The following SYT1 variants were observed in gnomAD, a reference collection of about 807,000 sequenced individuals.
SYT1 encodes synaptotagmin-1.
In SYT1, 8 loss-of-function variants were observed where a neutral mutation model predicts 44.8. The ratio of observed to expected loss-of-function variants is 0.18; its 90% CI spans 0.10 to 0.32. SYT1 has a LOEUF of 0.32. Ranked by LOEUF, SYT1 falls within the 10% of genes least tolerant of loss-of-function variation. The probability of loss-of-function intolerance (pLI) is 1.00; values close to 1 mark genes in which losing one functional copy is unlikely to be tolerated. For synonymous variants in SYT1, 154 were observed against 188.8 expected, an observed-to-expected ratio of 0.82 and a Z score of 1.51; for missense variants, 286 against 509.3, an observed-to-expected ratio of 0.56 and a Z score of 4.22.
At chr12:79,310,887 G>A (rs1880748246) in intron 8 of SYT1, among the ~76,000 whole-genome samples, 1 of 152,198 alleles carries the variant, frequency 6.6e-6, no homozygotes, top group Middle Eastern at 3.2e-3. Context: ...CTTTGCTGAA[G>A]TTGCTTATCA....
intron 5 of SYT1, among the ~76,000 whole-genome samples, chr12:79,289,741 T>C (rs1879483444): frequency 6.6e-6 from 1 of 152,186 alleles, no homozygotes; most frequent in Admixed American, 6.5e-5. Flanking sequence ...GTTATTATTT[T>C]TTAAAAACCA....
Position 79,239,237 on chromosome 12 carries a change from C to A in SYT1, c.166+21552C>A, listed in dbSNP as rs546293969. 2.0e-5 allele frequency among the ~76,000 whole-genome samples: 3 copies of A among 152,198 alleles called. No individual in the cohort carries two copies. The East Asian group carries it at 5.8e-4, about 29-fold the overall frequency. ...GCTATTCCTCTGCAGAACTAATAGC[C>A]CTAGTATAACCATGAGAAAAATATC... On this transcript the variant is annotated intron_variant, in intron 4 of 10. Transcript: ENST00000261205.
intron 3 of SYT1, among the ~76,000 whole-genome samples, chr12:79,094,871 C>G (rs2138020231): frequency 6.6e-6 from 1 of 151,850 alleles, no homozygotes; most frequent in Admixed American, 6.6e-5. Context: ...TGGCTTTAAC[C>G]AAGTGTCTAA....
chr12:79,183,803 G>C (rs1486983527), intron 3 of SYT1, among the ~76,000 whole-genome samples: 4 of 151,926 alleles, frequency 2.6e-5, no homozygotes, highest in Non-Finnish European at 5.9e-5. Context: ...TAAAGTTTTC[G>C]AGCAAGCACT....
chr12:79,408,157 CCCTTTCTAGT>C (rs1210080879), intron 9 of SYT1, among the ~76,000 whole-genome samples: 3 of 152,252 alleles, frequency 2.0e-5, no homozygotes, highest in East Asian at 3.9e-4. Flanking sequence ...ATTTGGGCAG[CCCTTTCTAGT>C]CCTAACAGAG....
intron 9 of SYT1, among the ~76,000 whole-genome samples, chr12:79,416,365 A>G (rs1342625271): frequency 6.6e-6 from 1 of 152,206 alleles, no homozygotes; most frequent in African/African-American, 2.4e-5. Context: ...AAAGTTGAAC[A>G]TCTTTGCCAT....
intron 3 of SYT1, among the ~76,000 whole-genome samples, chr12:79,188,850 A>T (rs955059658): frequency 5.9e-5 from 9 of 152,120 alleles, no homozygotes; most frequent in African/African-American, 2.2e-4. Flanking sequence ...GTTGTCTAGG[A>T]GATGTAACTG....
At chr12:78,941,578 G>A (rs1220916883) in intron 1 of SYT1, among the ~76,000 whole-genome samples, 1 of 152,130 alleles carries the variant, frequency 6.6e-6, no homozygotes, top group Non-Finnish European at 1.5e-5. Context: ...GCAGCTATAT[G>A]GAATTGCATC....
chr12:79,388,219 A>C (rs1193130146), intron 9 of SYT1, among the ~76,000 whole-genome samples: 1 of 152,160 alleles, frequency 6.6e-6, no homozygotes, highest in African/African-American at 2.4e-5. Flanking sequence ...TGGGCCAGAA[A>C]ATGTCTACAG....
At chr12:79,411,302 C>T (rs1237395005) in intron 9 of SYT1, among the ~76,000 whole-genome samples, 1 of 152,088 alleles carries the variant, frequency 6.6e-6, no homozygotes, top group Non-Finnish European at 1.5e-5. Context: ...TACTGAAAGT[C>T]CCACATAGTA....
At chr12:79,218,095 T>G (rs559816338) in intron 4 of SYT1, among the ~76,000 whole-genome samples, 2 of 152,312 alleles carry the variant, frequency 1.3e-5, no homozygotes, top group Non-Finnish European at 2.9e-5. Flanking sequence ...GGTTTGATTT[T>G]CTGTCATTCA....
Position 79,373,335 on chromosome 12 carries a change from T to C in SYT1, c.928+19716T>C, listed in dbSNP as rs1883867969. Reference sequence around the variant, plus strand: ...ACATTTACTTGTAGGTTTGTAAGTGTATATAGACCACTATAGTAATATAAA... The same window carrying C: ...ACATTTACTTGTAGGTTTGTAAGTGCATATAGACCACTATAGTAATATAAA... On this transcript the variant is annotated intron_variant, in intron 9 of 10. Coordinates refer to ENST00000261205, the MANE Select transcript of SYT1 (RefSeq NM_005639.3). 3.3e-5 allele frequency among the ~76,000 whole-genome samples: 5 copies of C among 152,168 alleles called. 1 individual carries two copies. The highest frequency in any genetic ancestry group is 9.7e-5 in the African/African-American group (4 of 41,446).
intron 9 of SYT1, among the ~76,000 whole-genome samples, chr12:79,413,044 G>C (rs1177184587): frequency 6.6e-6 from 1 of 152,128 alleles, no homozygotes; most frequent in African/African-American, 2.4e-5. Flanking sequence ...ACTAACTTCA[G>C]ACTGAAAGGA....
At chr12:79,109,378 A>G (rs1878891142) in intron 3 of SYT1, among the ~76,000 whole-genome samples, 1 of 152,198 alleles carries the variant, frequency 6.6e-6, no homozygotes, top group Admixed American at 6.5e-5. Flanking sequence ...TTTTGTAGAT[A>G]AAAGAATCGA....
At chr12:79,079,243 C>T (rs936440587) in intron 3 of SYT1, among the ~76,000 whole-genome samples, 22 of 152,126 alleles carry the variant, frequency 1.4e-4, no homozygotes, top group Admixed American at 6.5e-4. Flanking sequence ...TCACCTCTCC[C>T]TACACAGAGA....
intron 2 of SYT1, among the ~76,000 whole-genome samples, chr12:79,018,737 C>T (rs1871978212): frequency 6.6e-6 from 1 of 151,928 alleles, no homozygotes; most frequent in Non-Finnish European, 1.5e-5. Flanking sequence ...TCATTATTTA[C>T]CTTCAGTAAG....
At chr12:78,953,207 G>A (rs1304434683) in intron 1 of SYT1, among the ~76,000 whole-genome samples, 1 of 151,956 alleles carries the variant, frequency 6.6e-6, no homozygotes, top group Non-Finnish European at 1.5e-5. Flanking sequence ...TGGAGAAAGT[G>A]GATTTTTTTA....
At chr12:79,236,606 C>T (rs887546052) in intron 4 of SYT1, among the ~76,000 whole-genome samples, 2 of 152,198 alleles carry the variant, frequency 1.3e-5, no homozygotes, top group Non-Finnish European at 2.9e-5. Context: ...ACTATAAGCT[C>T]ATATCTTCCT....
intron 4 of SYT1, among the ~76,000 whole-genome samples, chr12:79,232,516 C>T (rs1041798001): frequency 6.6e-6 from 1 of 152,160 alleles, no homozygotes; most frequent in African/African-American, 2.4e-5. Context: ...AAATTCCTTA[C>T]TTGCCATAGC....
Sources: gnomAD v4.1 joint callset for allele counts (sites outside exome capture counted in the v4.1 genomes callset) on GRCh38, gnomAD v4.1.1 for gene constraint, MANE v1.5 for transcripts, NCBI Gene and HGNC (gene_info 2026-07-23, HGNC 2026-07-21) for gene names.